The following WDFY3 variants were observed in gnomAD, a reference collection of about 807,000 sequenced individuals.
WDFY3 encodes the protein WD repeat and FYVE domain containing 3.
A neutral mutation model predicts 409.6 loss-of-function variants in WDFY3; 66 were observed. That is an observed-to-expected ratio of 0.16 (90% confidence interval 0.13 to 0.20). WDFY3 has a LOEUF of 0.20. Among genes scored for constraint, WDFY3 ranks in the 10% least tolerant of loss-of-function variants. The pLI, the probability that WDFY3 is intolerant of heterozygous loss-of-function variation, is 1.00. For synonymous variants in WDFY3, 1,521 were observed against 1,537.1 expected (o/e 0.99, Z 0.25); for missense variants, 3,031 against 4,298.1 (o/e 0.71, Z 8.24).
intron 1 of WDFY3, among the ~76,000 whole-genome samples, chr4:84,936,558 AAATTTTTT>A (rs1183991623): frequency 1.3e-5 from 2 of 152,068 alleles, no homozygotes; most frequent in Non-Finnish European, 1.5e-5. Context: ...ATCAATGAGA[AAATTTTTT>A]TCCAAATAGC....
chr4:84,689,324 C>G (rs988913327), intron 61 of WDFY3, among the ~76,000 whole-genome samples: 1 of 152,156 alleles, frequency 6.6e-6, no homozygotes, highest in African/African-American at 2.4e-5. Context: ...ATATAGACAT[C>G]TTTATTGCAT....
intron 5 of WDFY3, chr4:84,844,358 A>C: frequency 8.9e-7 from 1 of 1,126,018 alleles, no homozygotes; most frequent in South Asian, 1.4e-5. Flanking sequence ...TCCAAAAAAA[A>C]ATTCCACAAG....
At chr4:84,870,546 A>T (rs1198279967) in intron 3 of WDFY3, among the ~76,000 whole-genome samples, 1 of 152,132 alleles carries the variant, frequency 6.6e-6, no homozygotes, top group Admixed American at 6.5e-5. Context: ...TCTGAGAAAG[A>T]TCCCCTCCCT....
chr4:84,723,426 A>G (rs1451288878), intron 46 of WDFY3, among the ~76,000 whole-genome samples: 1 of 152,182 alleles, frequency 6.6e-6, no homozygotes, highest in Non-Finnish European at 1.5e-5. Context: ...TTTTTAATTT[A>G]TTAGTTTTTA....
In WDFY3 at chr4:84,672,872, C is replaced by T. The variant is rs201330342; in HGVS notation, c.10577G>A (p.Cys3526Tyr). ...ERGSEDGPRN[C>Y] is the part of the protein sequence containing the mutation. ...TCCACTCAGCTTGTTGAATCTTCAA[C>T]AATTTCGAGGCCCATCTTCTGAACC... The change falls in exon 68 of 68, where the codon TGT becomes TAT. Residue 3526 changes from cysteine (C) to tyrosine (Y), a missense_variant. Cys to Tyr is a radical substitution (Grantham distance 194). Coordinates refer to ENST00000295888, the MANE Select transcript of WDFY3 (RefSeq NM_014991.6). 6 of 1,608,264 alleles carry T rather than the reference C, an allele frequency of 3.7e-6. No homozygotes were observed. Among genetic ancestry groups the T allele is most frequent in the Admixed American group, 1.7e-5 (1 of 59,792 alleles).
chr4:84,937,198 A>C (rs549354219), intron 1 of WDFY3, among the ~76,000 whole-genome samples: 1 of 152,266 alleles, frequency 6.6e-6, no homozygotes, highest in East Asian at 1.9e-4. Flanking sequence ...AATTACCTGA[A>C]TATTGTTAAA....
chr4:84,767,259 C>CACAA (rs201489489), intron 30 of WDFY3, among the ~76,000 whole-genome samples: 65,755 of 151,556 alleles, frequency 0.43, 14,768 homozygotes, highest in African/African-American at 0.53. Flanking sequence ...TTACAAGTGC[C>CACAA]ACTGTCTTAC....
intron 3 of WDFY3, among the ~76,000 whole-genome samples, chr4:84,878,381 C>T (rs947018208): frequency 6.6e-6 from 1 of 151,670 alleles, no homozygotes; most frequent in Non-Finnish European, 1.5e-5. Flanking sequence ...ATGACAAATG[C>T]CAAAAGATTG....
chr4:84,882,253 G>A (rs1259847819), intron 3 of WDFY3, among the ~76,000 whole-genome samples: 1 of 152,048 alleles, frequency 6.6e-6, no homozygotes, highest in Non-Finnish European at 1.5e-5. Context: ...CCCTACCACA[G>A]GTATAATAAA....
At chr4:84,886,760 C>CA (rs1169213752) in intron 3 of WDFY3, among the ~76,000 whole-genome samples, 4 of 152,142 alleles carry the variant, frequency 2.6e-5, no homozygotes, top group Admixed American at 2.6e-4. Flanking sequence ...GAGTCTCTTC[C>CA]AGTCTTCAGA....
chr4:84,863,559 TA>T lies in WDFY3; in HGVS notation c.-31-2938del, dbSNP rs1423569219. On this transcript the variant is annotated intron_variant, in intron 3 of 67. Transcript: ENST00000295888. ...TCTACTCAGGTGCTTTCTCACTTTT[TA>T]ATCAGGTTATTTGAGTTTCGCTATG... 2.6e-5 allele frequency among the ~76,000 whole-genome samples: 4 copies of T among 152,230 alleles called. No homozygotes were observed. In the East Asian group the frequency reaches 5.8e-4, roughly 22 times the overall value.
intron 3 of WDFY3, among the ~76,000 whole-genome samples, chr4:84,867,264 G>C (rs1156483123): frequency 6.6e-6 from 1 of 152,098 alleles, no homozygotes; most frequent in Admixed American, 6.5e-5. Context: ...CCCCTACAGT[G>C]CTATGTTTTA....
chr4:84,800,024 T>C (rs1750224731), intron 17 of WDFY3, among the ~76,000 whole-genome samples: 1 of 152,132 alleles, frequency 6.6e-6, no homozygotes, highest in Non-Finnish European at 1.5e-5. Flanking sequence ...AAGTAGCAGA[T>C]TACCAAAAAG....
At chr4:84,960,732 C>G (rs985032783) in intron 1 of WDFY3, among the ~76,000 whole-genome samples, 15 of 152,142 alleles carry the variant, frequency 9.9e-5, no homozygotes, top group Admixed American at 3.9e-4. Context: ...CCCACCTTGG[C>G]CTCCCAAAGT....
chr4:84,798,124 A>T lies in WDFY3; in HGVS notation c.2823-16T>A. On this transcript the variant is annotated splice_polypyrimidine_tract_variant and intron_variant, in intron 17 of 67. Transcript: ENST00000295888. ...TAAAAACTCCCTAAGAAAGAGACAA[A>T]GCAAAGTTATTCCTTGATTGAGATT... 6.3e-7 allele frequency: 1 copy of T among 1,582,300 alleles called. No individual in the cohort carries two copies. The highest frequency in any genetic ancestry group is 8.6e-7 in the Non-Finnish European group (1 of 1,159,780).
In WDFY3 at chr4:84,774,988, G is replaced by C. The variant is rs756860544; in HGVS notation, c.4593-7C>G. ...GGCATTCTTTGAGGCTTCACTATAA[G>C]AGAAAGAAGATTTTATACACTGTAC... is the stretch of plus-strand genomic sequence containing the variant. On this transcript the variant is annotated splice_region_variant and splice_polypyrimidine_tract_variant and intron_variant, in intron 28 of 67. Transcript: ENST00000295888. The C allele has an allele frequency of 1.9e-6, 3 of 1,613,398 alleles. No individual in the cohort carries two copies. In the South Asian group the frequency reaches 3.3e-5, roughly 18 times the overall value.
At chr4:84,784,850 G>A (rs1286309858) in intron 24 of WDFY3, among the ~76,000 whole-genome samples, 3 of 81,172 alleles carry the variant, frequency 3.7e-5, no homozygotes, top group East Asian at 3.4e-4. Flanking sequence ...AAAAAAAAAA[G>A]TGTATATGTA....
At chr4:84,946,445 A>C (rs1772836943) in intron 1 of WDFY3, among the ~76,000 whole-genome samples, 1 of 152,212 alleles carries the variant, frequency 6.6e-6, no homozygotes, top group African/African-American at 2.4e-5. Context: ...TGGAACCAGG[A>C]GGCAGCATGA....
intron 67 of WDFY3, among the ~76,000 whole-genome samples, chr4:84,674,244 C>T (rs1205474445): frequency 6.6e-6 from 1 of 152,132 alleles, no homozygotes; most frequent in Non-Finnish European, 1.5e-5. Flanking sequence ...CAGATGTGTG[C>T]CAGCATACAT....
Sources: allele counts gnomAD v4.1 joint callset (sites outside exome capture counted in the v4.1 genomes callset), GRCh38; gene constraint gnomAD v4.1.1; transcripts MANE v1.5; gene names NCBI Gene and HGNC (gene_info 2026-07-23, HGNC 2026-07-21).